The following CYP7B1 variants were observed in gnomAD, a reference collection of about 807,000 sequenced individuals.
CYP7B1 encodes the protein cytochrome P450 family 7 subfamily B member 1.
Under a neutral mutation model 42.7 loss-of-function variants are expected in CYP7B1, and 29 were observed. The observed-to-expected ratio is 0.68, with a 90% confidence interval of 0.51 to 0.93. The LOEUF (loss-of-function observed/expected upper bound fraction) is 0.93, where lower values mean the gene tolerates loss of function less well. Among genes scored for constraint, CYP7B1 ranks in the 40% least tolerant of loss-of-function variants. The pLI, the probability that CYP7B1 is intolerant of heterozygous loss-of-function variation, is 0.00. For missense variants in CYP7B1, 655 were observed against 600.5 expected (o/e 1.09, Z -0.95); for synonymous variants, 235 against 218.2 (o/e 1.08, Z -0.68).
chr8:64,616,489 T>C (rs1400736003), intron 2 of CYP7B1, among the ~76,000 whole-genome samples: 3 of 152,178 alleles, frequency 2.0e-5, no homozygotes, highest in Non-Finnish European at 4.4e-5. Context: ...TGAAGTTAAA[T>C]ATCCTGAAGT....
chr8:64,685,678 C>T (rs1426633392), intron 1 of CYP7B1, among the ~76,000 whole-genome samples: 8 of 46,032 alleles, frequency 1.7e-4, no homozygotes, highest in Admixed American at 1.1e-3. Context: ...GCAGCTGCCC[C>T]GTCTGAGAAG....
intron 1 of CYP7B1, among the ~76,000 whole-genome samples, chr8:64,689,323 T>C (rs1238186064): frequency 1.3e-5 from 2 of 152,244 alleles, no homozygotes; most frequent in African/African-American, 4.8e-5. Flanking sequence ...CACAAATACA[T>C]TCACACACAT....
intron 1 of CYP7B1, among the ~76,000 whole-genome samples, chr8:64,690,701 A>G (rs1233502704): frequency 6.6e-6 from 1 of 152,222 alleles, no homozygotes; most frequent in African/African-American, 2.4e-5. Context: ...GTTCTATTCA[A>G]AAAATATATA....
intron 1 of CYP7B1, among the ~76,000 whole-genome samples, chr8:64,660,751 C>A (rs900734878): frequency 6.6e-6 from 1 of 152,146 alleles, no homozygotes; most frequent in Non-Finnish European, 1.5e-5. Context: ...GGGAGGGGAA[C>A]ATATGAGGCA....
intron 1 of CYP7B1, among the ~76,000 whole-genome samples, chr8:64,731,640 T>A (rs902704077): frequency 5.9e-5 from 9 of 152,188 alleles, no homozygotes; most frequent in African/African-American, 1.7e-4. Flanking sequence ...TGAATGTTAA[T>A]CACAAAGACA....
chr8:64,779,784 G>A (rs1804389420), intron 1 of CYP7B1, among the ~76,000 whole-genome samples: 2 of 152,066 alleles, frequency 1.3e-5, no homozygotes, highest in African/African-American at 2.4e-5. Flanking sequence ...GTGTACTAAC[G>A]ACCAAATGTG....
chr8:64,729,744 T>C (rs1206576411), intron 1 of CYP7B1, among the ~76,000 whole-genome samples: 2 of 152,202 alleles, frequency 1.3e-5, no homozygotes, highest in Non-Finnish European at 2.9e-5. Flanking sequence ...ATCACATTCC[T>C]TTCTAAATTT....
At chr8:64,791,955 G>T (rs192077848) in intron 1 of CYP7B1, among the ~76,000 whole-genome samples, 1 of 152,224 alleles carries the variant, frequency 6.6e-6, no homozygotes, top group East Asian at 1.9e-4. Flanking sequence ...TAAGTAAGGG[G>T]TATGGTAAAG....
chr8:64,680,097 A>T (rs745490246), intron 1 of CYP7B1, among the ~76,000 whole-genome samples: 1 of 151,244 alleles, frequency 6.6e-6, no homozygotes, highest in Non-Finnish European at 1.5e-5. Flanking sequence ...CAACCATTAT[A>T]CTCTGCTTGT....
At chr8:64,735,028 G>A (rs1446164446) in intron 1 of CYP7B1, among the ~76,000 whole-genome samples, 1 of 152,146 alleles carries the variant, frequency 6.6e-6, no homozygotes, top group African/African-American at 2.4e-5. Flanking sequence ...TGACCTGGAG[G>A]AGGTGGAGCT....
chr8:64,736,050 C>T (rs917428936), intron 1 of CYP7B1, among the ~76,000 whole-genome samples: 1 of 152,122 alleles, frequency 6.6e-6, no homozygotes, highest in African/African-American at 2.4e-5. Context: ...CTGACAACAT[C>T]AAACAATAAT....
intron 1 of CYP7B1, among the ~76,000 whole-genome samples, chr8:64,770,195 G>A (rs1398242327): frequency 4.6e-5 from 7 of 152,068 alleles, no homozygotes; most frequent in Non-Finnish European, 1.0e-4. Flanking sequence ...AATCATAGAT[G>A]AGACCAACCG....
At chr8:64,621,031 A>G (rs1426917315) in intron 2 of CYP7B1, among the ~76,000 whole-genome samples, 1 of 152,224 alleles carries the variant, frequency 6.6e-6, no homozygotes, top group Non-Finnish European at 1.5e-5. Flanking sequence ...CACTTGTTCT[A>G]TCTATTCATT....
chr8:64,701,212 C>T (rs900956623), intron 1 of CYP7B1, among the ~76,000 whole-genome samples: 9 of 151,982 alleles, frequency 5.9e-5, no homozygotes, highest in Non-Finnish European at 1.3e-4. Flanking sequence ...ATTTTGAAAA[C>T]GTCGAGGCAT....
chr8:64,791,518 G>C (rs776917601), intron 1 of CYP7B1, among the ~76,000 whole-genome samples: 4 of 152,174 alleles, frequency 2.6e-5, no homozygotes, highest in Non-Finnish European at 4.4e-5. Flanking sequence ...CCATGTTGCT[G>C]GTTTTGAAAA....
intron 1 of CYP7B1, among the ~76,000 whole-genome samples, chr8:64,768,902 T>G (rs529991176): frequency 9.2e-5 from 14 of 152,226 alleles, no homozygotes; most frequent in Non-Finnish European, 1.6e-4. Context: ...CCTGGTGGGC[T>G]TTCCAACATA....
chr8:64,779,154 T>G lies in CYP7B1; in HGVS notation c.122+19312A>C, dbSNP rs992022377. ...AGGGGGAGTGCAAATGTCAGAACAT[T>G]GTTTTAAGAGAGATTTAAAAAGAAT... On this transcript the variant is annotated intron_variant, in intron 1 of 5. Coordinates refer to ENST00000310193, the MANE Select transcript of CYP7B1 (RefSeq NM_004820.5). Among the ~76,000 whole-genome samples the G allele has an allele frequency of 3.3e-5, 5 of 152,222 alleles. No individual in the cohort carries two copies. The East Asian group carries it at 7.7e-4, about 24-fold the overall frequency.
rs371577236 is a variant in CYP7B1 at position 64,765,909 on chromosome 8, T to C, written c.122+32557A>G. ...TTATCAGATAACCCTGATGGCTATATTGATGTTTTACAAGGGTTAGGACAA... is the reference window on the plus strand; with the variant it reads ...TTATCAGATAACCCTGATGGCTATACTGATGTTTTACAAGGGTTAGGACAA... On this transcript the variant is annotated intron_variant, in intron 1 of 5. Coordinates refer to ENST00000310193, the MANE Select transcript of CYP7B1 (RefSeq NM_004820.5). Among the ~76,000 whole-genome samples, 21 of 152,286 alleles carry C rather than the reference T, an allele frequency of 1.4e-4. No individual in the cohort carries two copies. The South Asian group carries it at 3.3e-3, about 24-fold the overall frequency.
intron 1 of CYP7B1, among the ~76,000 whole-genome samples, chr8:64,755,003 T>A (rs942332286): frequency 1.3e-5 from 2 of 152,148 alleles, no homozygotes; most frequent in African/African-American, 4.8e-5. Flanking sequence ...GCTTTAACGA[T>A]TGCAAGTTCC....
Sources: gnomAD v4.1 joint callset for allele counts (sites outside exome capture counted in the v4.1 genomes callset) on GRCh38, gnomAD v4.1.1 for gene constraint, MANE v1.5 for transcripts, NCBI Gene and HGNC (gene_info 2026-07-23, HGNC 2026-07-21) for gene names.